Variants in NUP85 observed in about 807,000 individuals in gnomAD.
NUP85 encodes nuclear pore complex protein Nup85.
Under a neutral mutation model 92.8 loss-of-function variants are expected in NUP85, and 23 were observed. The observed-to-expected ratio is 0.25, with a 90% CI of 0.18 to 0.35. The LOEUF (loss-of-function observed/expected upper bound fraction) is 0.35, where lower values mean the gene tolerates loss of function less well. Among genes scored for constraint, NUP85 ranks in the 10% least tolerant of loss-of-function variants. The pLI is 1.00. For synonymous variants in NUP85, 314 were observed against 306.9 expected, an observed-to-expected ratio of 1.02 and a Z score of -0.24; for missense variants, 759 against 822.8, an observed-to-expected ratio of 0.92 and a Z score of 0.95.
In NUP85 at chr17:75,232,887, T is replaced by C. The variant is rs776506979; in HGVS notation, c.1433T>C (p.Val478Ala). The C allele has an allele frequency of 1.2e-6, 2 of 1,614,162 alleles. No individual in the cohort carries two copies. Among genetic ancestry groups the C allele is most frequent in the South Asian group, 1.1e-5 (1 of 91,078 alleles). ...SICKILAMKA[V>A]RNNRLGSALS... The stretch of plus-strand genomic sequence containing the variant: ...TGTAAGATCTTAGCCATGAAAGCCG[T>C]CCGCAACAATCGCCTGGGTTCTGCC... The change falls in exon 15 of 19, where the codon GTC becomes GCC. Residue 478 changes from valine to alanine, a missense_variant. Transcript: ENST00000245544.
intron 1 of NUP85, among the ~76,000 whole-genome samples, chr17:75,206,351 A>G (rs952739239): frequency 3.9e-5 from 6 of 152,010 alleles, no homozygotes; most frequent in African/African-American, 1.4e-4. Flanking sequence ...TGCTAGTTGG[A>G]TTGCTCTTGT....
rs754542915 is a variant in NUP85 at position 75,209,997 on chromosome 17, G to A, written c.290+12G>A. On this transcript the variant is annotated intron_variant, in intron 3 of 18. Coordinates refer to ENST00000245544, the MANE Select transcript of NUP85 (RefSeq NM_024844.5). ...TCCAGAAAATCTCAGTAAGTTGGTTGCTGTTTGGTGTTGAAGCCCACACTA... is the reference window on the plus strand; with the variant it reads ...TCCAGAAAATCTCAGTAAGTTGGTTACTGTTTGGTGTTGAAGCCCACACTA... 6.3e-7 allele frequency: 1 copy of A among 1,589,546 alleles called. No individual in the cohort carries two copies. The highest frequency in any genetic ancestry group is 1.2e-5 in the South Asian group (1 of 85,534).
chr17:75,209,829 C>T lies in NUP85; in HGVS notation c.134C>T (p.Ser45Leu). 3.8e-6 allele frequency: 6 copies of T among 1,573,656 alleles called. No homozygotes were observed. The South Asian group carries it at 6.0e-5, about 16-fold the overall frequency. Residue 45 changes from serine (S) to leucine (L), a missense_variant, in exon 3 of 19, where the codon TCA (serine) becomes TTA (leucine). Ser to Leu is a moderately radical substitution (Grantham distance 145, BLOSUM62 -2). Transcript: ENST00000245544. ...TTTTTCTGTTTGGTTTCAGAAAAATCAGAGATGGTGCCAAGTTGCCCCTTT... is the reference window on the plus strand; with the variant it reads ...TTTTTCTGTTTGGTTTCAGAAAAATTAGAGATGGTGCCAAGTTGCCCCTTT... ...CETSFNKKEK[S>L]EMVPSCPFIY...
In NUP85 at chr17:75,232,831, T is replaced by G. The variant is rs775170459; in HGVS notation, c.1397-20T>G. On this transcript the variant is annotated intron_variant, in intron 14 of 18. Transcript: ENST00000245544. ...ATTTGTGGAGTGAAAGCCGTTTACC[T>G]TTTCTTTTCCCCTGCAAAGTTCGCA... 6.2e-7 allele frequency: 1 copy of G among 1,608,956 alleles called. No individual in the cohort carries two copies. Among genetic ancestry groups the G allele is most frequent in the Non-Finnish European group, 8.5e-7 (1 of 1,175,464 alleles).
At position 75,226,097 on chromosome 17, in the gene NUP85, T is replaced by C; in HGVS notation, c.1034T>C (p.Leu345Pro). ...GGAGGTGAGAGCAGCCCAGAACCCC[T>C]GGACAACATCTTGTTGGCAGCCTTT... ...FLGGESSPEP[L>P]DNILLAAFEF... Residue 345 changes from leucine (L) to proline (P), a missense_variant, in exon 11 of 19, where the codon CTG becomes CCG. Transcript: ENST00000245544. 6.2e-7 allele frequency: 1 copy of C among 1,614,164 alleles called. No individual in the cohort carries two copies. The highest frequency in any genetic ancestry group is 8.5e-7 in the Non-Finnish European group (1 of 1,180,022).
chr17:75,206,272 A>C (rs2075077478), intron 1 of NUP85, among the ~76,000 whole-genome samples: 1 of 152,108 alleles, frequency 6.6e-6, no homozygotes, highest in African/African-American at 2.4e-5. Flanking sequence ...ACAGTATGTC[A>C]ACTGTGGATG....
In NUP85 at chr17:75,233,058, G is replaced by A. The variant is rs1253979625; in HGVS notation, c.1515G>A (p.Arg505=). ...DAAFATLVSD[R]FLRDYCERGC... is the part of the protein sequence containing the mutation. ...CTGATCTCTGGGCCGGGCCCTGCAG[G>A]TTCCTCAGGGATTACTGTGAGCGAG... The change falls in exon 16 of 19, where the codon AGG becomes AGA. Residue 505 remains arginine (R), a splice_region_variant and synonymous_variant. Coordinates refer to ENST00000245544, the MANE Select transcript of NUP85 (RefSeq NM_024844.5). 1.2e-6 allele frequency: 2 copies of A among 1,613,960 alleles called. No homozygotes were observed. The highest frequency in any genetic ancestry group is 2.2e-5 in the East Asian group (1 of 44,892).
rs2076261616 is a variant in NUP85 at position 75,234,795 on chromosome 17, G to C, written c.1767+7G>C. 1.9e-6 allele frequency: 3 copies of C among 1,614,096 alleles called. No individual in the cohort carries two copies. In the East Asian group the frequency reaches 6.7e-5, roughly 36 times the overall value. ...CCTTTTGGAACAGAAACAGGTGAAG[G>C]TTGCAGCAGCAGTGGTTTTCTTTGC... On this transcript the variant is annotated splice_region_variant and intron_variant, in intron 17 of 18. Transcript: ENST00000245544.
At chr17:75,214,499 A>G (rs928963125) in intron 5 of NUP85, among the ~76,000 whole-genome samples, 2 of 152,188 alleles carry the variant, frequency 1.3e-5, no homozygotes, top group Non-Finnish European at 2.9e-5. Context: ...CATGTCATCT[A>G]CTGAATATTC....
At chr17:75,233,276 G>A in intron 16 of NUP85, 118 bp downstream of exon 16, 2 of 771,862 alleles carry the variant, frequency 2.6e-6, no homozygotes, top group East Asian at 2.6e-5. Context: ...TGCATCAGTG[G>A]TCCCAGAAAC....
chr17:75,234,941 A>G lies in NUP85; in HGVS notation c.1767+153A>G, dbSNP rs775161317. 1.8e-5 allele frequency: 20 copies of G among 1,089,724 alleles called. No individual in the cohort carries two copies. The East Asian group carries it at 4.5e-4, about 24-fold the overall frequency. 67.5% of individuals were successfully genotyped at this position (1,089,724 alleles called of 1,614,324 possible). A position where few individuals can be genotyped will look rare whatever the true frequency, so the allele number is the denominator to read the frequency against. ...GCCCTCTCTGGGATTCCAGACTCAC[A>G]CAGGAAACAAACACTGCTTGATTTG... On this transcript the variant is annotated intron_variant, in intron 17 of 18. Transcript: ENST00000245544.
chr17:75,225,881 C>T lies in NUP85; in HGVS notation c.987+52C>T, dbSNP rs764245937. 3.7e-6 allele frequency: 6 copies of T among 1,609,454 alleles called. No individual in the cohort carries two copies. In the African/African-American group the frequency reaches 6.7e-5, roughly 18 times the overall value. On this transcript the variant is annotated intron_variant, in intron 10 of 18. Transcript: ENST00000245544. ...TGGGGGTAGGAGTCCTGGGGGCGCC[C>T]TGATGGGTCATTCTCTTTGAATTCC...
rs984359709 is a variant in NUP85 at position 75,212,083 on chromosome 17, C to T, written c.361+21C>T. The T allele has an allele frequency of 1.8e-4, 171 of 941,614 alleles. No individual in the cohort carries two copies. The East Asian group carries it at 2.0e-3, about 11-fold the overall frequency. 58.3% of individuals were successfully genotyped at this position (941,614 alleles called of 1,614,324 possible). ...TGCAAGTAAGGACTGTGTGCGCGTG[C>T]GCGCGTGTGTGTGTGTGTGTGTGTG... is the stretch of plus-strand genomic sequence containing the variant. On this transcript the variant is annotated intron_variant, in intron 4 of 18. Transcript: ENST00000245544.
At position 75,233,437 on chromosome 17, in the gene NUP85, C is replaced by CTTTTTT. The variant is rs60396796; in HGVS notation, c.1615+289_1615+294dup. On this transcript the variant is annotated intron_variant, in intron 16 of 18. Transcript: ENST00000245544. Reference sequence around the variant, plus strand: ...TCTTTCTTCTTTTCTTTTATTTTTTCTTTTTTTTTTTTTTTGAGACAGAAT... The same window carrying CTTTTTT: ...TCTTTCTTCTTTTCTTTTATTTTTTCTTTTTTTTTTTTTTTTTTTTTGAGACAGAAT... Among the ~76,000 whole-genome samples, 2 of 117,186 alleles carry CTTTTTT rather than the reference C, an allele frequency of 1.7e-5. 1 individual carries two copies. The allele number at this position is 117,186 out of a possible 152,430, so 76.9% of individuals were successfully genotyped here.
At chr17:75,225,286 C>T (rs201415704) in intron 8 of NUP85, 49 bp downstream of exon 8, 2 of 1,610,198 alleles carry the variant, frequency 1.2e-6, no homozygotes, top group African/African-American at 2.7e-5. Flanking sequence ...ATGCGTGATT[C>T]ACTAAATATA....
At position 75,229,150 on chromosome 17, in the gene NUP85, A is replaced by G. The variant is rs542805372; in HGVS notation, c.1095-2190A>G. 1.3e-4 allele frequency: 130 copies of G among 985,446 alleles called. 1 individual carries two copies. The African/African-American group carries it at 2.0e-3, about 15-fold the overall frequency. 61.0% of individuals were successfully genotyped at this position (985,446 alleles called of 1,614,324 possible). On this transcript the variant is annotated intron_variant, in intron 11 of 18. Transcript: ENST00000245544. Reference sequence around the variant, plus strand: ...CTAAAAGGTGACAAGTCTTCCTTCAATAACCAAGAAGAGTTCCAGCTTAAT... The same window carrying G: ...CTAAAAGGTGACAAGTCTTCCTTCAGTAACCAAGAAGAGTTCCAGCTTAAT...
intron 4 of NUP85, 46 bp from the exon 5 acceptor site, chr17:75,213,030 G>C: frequency 6.3e-7 from 1 of 1,578,820 alleles, no homozygotes; most frequent in Non-Finnish European, 8.7e-7. Flanking sequence ...ATGACAATAA[G>C]CCTAAGAGTT....
chr17:75,219,270 C>T (rs1034791483), intron 7 of NUP85, among the ~76,000 whole-genome samples: 5 of 152,126 alleles, frequency 3.3e-5, no homozygotes, highest in African/African-American at 1.2e-4. Context: ...CTGATTGATT[C>T]GCTAAGGTTT....
chr17:75,213,230 A>G (rs2075326874), intron 5 of NUP85, 111 bp downstream of exon 5: 1 of 866,452 alleles, frequency 1.2e-6, no homozygotes, highest in Admixed American at 2.2e-5. Context: ...CTTTTCAGGT[A>G]GATAGGCAGC....
Sources: gnomAD v4.1 joint callset for allele counts (sites outside exome capture counted in the v4.1 genomes callset) on GRCh38, gnomAD v4.1.1 for gene constraint, MANE v1.5 for transcripts, NCBI Gene and HGNC (gene_info 2026-07-23, HGNC 2026-07-21) for gene names.